Variants in PCDHGA2 observed in about 807,000 individuals in gnomAD.
PCDHGA2 encodes the protein protocadherin gamma-A2.
PCDHGA2 carries 40 observed loss-of-function variants against 59.2 expected under a neutral mutation model. The ratio of observed to expected loss-of-function variants is 0.68; its 90% CI spans 0.52 to 0.88. The LOEUF is 0.88. Ranked by LOEUF, PCDHGA2 falls within the 40% of genes least tolerant of loss-of-function variation. PCDHGA2 has a pLI of 0.00. For missense variants in PCDHGA2, 1,226 were observed against 1,204.0 expected, an observed-to-expected ratio of 1.02 and a Z score of -0.27; for synonymous variants, 560 against 526.0, an observed-to-expected ratio of 1.06 and a Z score of -0.89.
chr5:141,458,514 T>G (rs1338106276), intron 1 of PCDHGA2, among the ~76,000 whole-genome samples: 1 of 129,036 alleles, frequency 7.7e-6, no homozygotes, highest in African/African-American at 3.6e-5. Context: ...TGACACTTTG[T>G]TTTTTTTTTT....
chr5:141,374,534 C>T (rs868822562), intron 1 of PCDHGA2: 2 of 1,613,096 alleles, frequency 1.2e-6, no homozygotes, highest in Non-Finnish European at 1.7e-6. Flanking sequence ...TCCATCCTCT[C>T]GTTTTCCACT....
intron 2 of PCDHGA2, among the ~76,000 whole-genome samples, chr5:141,502,170 G>A (rs1165631931): frequency 6.6e-6 from 1 of 152,128 alleles, no homozygotes; most frequent in Admixed American, 6.5e-5. Context: ...TTCAGTTGAG[G>A]AATTTAACAT....
intron 1 of PCDHGA2, chr5:141,478,899 T>A (rs905349011): frequency 9.7e-7 from 1 of 1,027,124 alleles, no homozygotes; most frequent in African/African-American, 1.6e-5. Context: ...ACATTAGGAA[T>A]AAGCTGCTGG....
intron 1 of PCDHGA2, among the ~76,000 whole-genome samples, chr5:141,454,222 T>C (rs1411974754): frequency 6.6e-6 from 1 of 152,118 alleles, no homozygotes; most frequent in African/African-American, 2.4e-5. Flanking sequence ...ATGAGAAAAG[T>C]AATTGTGATG....
chr5:141,476,062 A>G lies in PCDHGA2; in HGVS notation c.2425-18745A>G, dbSNP rs2099384587. On this transcript the variant is annotated intron_variant, in intron 1 of 3. Coordinates refer to ENST00000394576, the MANE Select transcript of PCDHGA2 (RefSeq NM_018915.4). This position sits in a 1 kb window ranked among gnomAD's most constrained non-coding sequence, Gnocchi z 7.6. ...AGCGCTAACCCGCTGAAAGTTTCTC[A>G]GCGAAATCTCAGGGACGATCTGGAC... The G allele has an allele frequency of 1.8e-5, 27 of 1,509,766 alleles. No individual in the cohort carries two copies. Among genetic ancestry groups the G allele is most frequent in the Non-Finnish European group, 2.3e-5 (26 of 1,136,920 alleles). The allele number at this position is 1,509,766 out of a possible 1,614,324, so 93.5% of individuals were successfully genotyped here.
chr5:141,350,227 C>G (rs1433950900), intron 1 of PCDHGA2: 2 of 1,496,214 alleles, frequency 1.3e-6, no homozygotes, highest in East Asian at 2.3e-5. Context: ...GAAAAACATC[C>G]CAGAGGAAAG....
At chr5:141,413,513 T>C (rs1369472337) in intron 1 of PCDHGA2, 34 of 1,613,974 alleles carry the variant, frequency 2.1e-5, no homozygotes, top group Non-Finnish European at 2.9e-5. Context: ...TTTAATATCC[T>C]TGTGGAAGAC....
rs909444391 is a variant in PCDHGA2 at position 141,450,834 on chromosome 5, T to A, written c.2425-43973T>A. On this transcript the variant is annotated intron_variant, in intron 1 of 3. Transcript: ENST00000394576. ...TATTTAATATTATTATTATTATTTT[T>A]TTTTTTTTGAGATGGGGTCTTGCTC... is the stretch of plus-strand genomic sequence containing the variant. 1.2e-3 allele frequency among the ~76,000 whole-genome samples: 172 copies of A among 148,764 alleles called. 3 individuals are homozygous for A. The highest frequency in any genetic ancestry group is 4.1e-3 in the African/African-American group (166 of 40,236).
chr5:141,409,599 C>T (rs753753955), intron 1 of PCDHGA2: 22 of 1,613,822 alleles, frequency 1.4e-5, no homozygotes, highest in Non-Finnish European at 1.8e-5. Flanking sequence ...GAGAACAACC[C>T]GCCAGGAGCC....
intron 1 of PCDHGA2, chr5:141,395,547 TG>T (rs5871772): frequency 0.053 from 9,293 of 174,278 alleles, 481 homozygotes; most frequent in Middle Eastern, 0.08. Flanking sequence ...ATTGTTTGTG[TG>T]TGTGTGTGTG....
intron 1 of PCDHGA2, chr5:141,404,610 T>G (rs1207198913): frequency 6.2e-7 from 1 of 1,614,130 alleles, no homozygotes. Context: ...CTGTTTGTTT[T>G]GGACCAGAAT....
chr5:141,375,174 C>G (rs765614006), intron 1 of PCDHGA2: 7 of 1,613,886 alleles, frequency 4.3e-6, no homozygotes, highest in East Asian at 4.5e-5. Flanking sequence ...CCTCCAGGAA[C>G]AGTAATCGCC....
At chr5:141,444,561 G>A (rs1554133061) in intron 1 of PCDHGA2, among the ~76,000 whole-genome samples, 2 of 152,098 alleles carry the variant, frequency 1.3e-5, no homozygotes, top group Non-Finnish European at 2.9e-5. Context: ...GCACTTATTT[G>A]ACACTTTTGA....
At chr5:141,399,590 T>C (rs1369616193) in intron 1 of PCDHGA2, 5 of 1,613,854 alleles carry the variant, frequency 3.1e-6, no homozygotes, top group Admixed American at 3.3e-5. Flanking sequence ...TACTCTATCA[T>C]GGCCAGCGAC....
intron 1 of PCDHGA2, among the ~76,000 whole-genome samples, chr5:141,402,781 T>G (rs1456317365): frequency 1.3e-5 from 2 of 152,200 alleles, no homozygotes; most frequent in Non-Finnish European, 2.9e-5. Context: ...GATTTCCAGT[T>G]CTGCGGCTAC....
At chr5:141,507,531 C>T (rs1467914007) in intron 3 of PCDHGA2, among the ~76,000 whole-genome samples, 3 of 151,964 alleles carry the variant, frequency 2.0e-5, no homozygotes, top group African/African-American at 7.2e-5. Flanking sequence ...CCAGAGAGGC[C>T]AGAGACTGAG....
intron 1 of PCDHGA2, chr5:141,389,142 G>C (rs72790030): frequency 2.5e-6 from 4 of 1,613,970 alleles, no homozygotes; most frequent in African/African-American, 2.7e-5. Flanking sequence ...CAATATAACC[G>C]TTACGGCAAC....
chr5:141,403,623 G>A (rs765775423), intron 1 of PCDHGA2: 1 of 1,613,898 alleles, frequency 6.2e-7, no homozygotes, highest in South Asian at 1.1e-5. Context: ...CGTCGCTCCA[G>A]CACAGTGCGC....
Position 141,400,219 on chromosome 5 carries a change from C to T in PCDHGA2, c.2424+58824C>T, listed in dbSNP as rs1200450595. On this transcript the variant is annotated intron_variant, in intron 1 of 3. Coordinates refer to ENST00000394576, the MANE Select transcript of PCDHGA2 (RefSeq NM_018915.4). ...GGTGGCCTTGGCCTTGATCTCAGTG[C>T]TCTTCCTCCTGGCCGTGATTCTGGC... The T allele has an allele frequency of 1.9e-6, 3 of 1,613,934 alleles. No homozygotes were observed. Among genetic ancestry groups the T allele is most frequent in the African/African-American group, 1.3e-5 (1 of 74,930 alleles).
Sources: gnomAD v4.1 joint callset for allele counts (sites outside exome capture counted in the v4.1 genomes callset) on GRCh38, gnomAD v4.1.1 for gene constraint, Gnocchi (gnomAD v3.1) non-coding constraint, MANE v1.5 for transcripts, NCBI Gene and HGNC (gene_info 2026-07-23, HGNC 2026-07-21) for gene names.